The following MYO1E variants were observed in gnomAD, a reference collection of about 807,000 sequenced individuals.
MYO1E encodes the protein unconventional myosin-Ie.
A neutral mutation model predicts 151.1 loss-of-function variants in MYO1E; 68 were observed. That is an observed-to-expected ratio of 0.45 (90% confidence interval 0.37 to 0.55). The LOEUF is 0.55. Among genes scored for constraint, MYO1E ranks in the 20% least tolerant of loss-of-function variants. MYO1E has a pLI of 0.00. For missense variants in MYO1E, 1,363 were observed against 1,389.3 expected, an observed-to-expected ratio of 0.98 and a Z score of 0.30; for synonymous variants, 601 against 501.7, an observed-to-expected ratio of 1.20 and a Z score of -2.64.
chr15:59,164,136 A>G (rs186307867), intron 22 of MYO1E, among the ~76,000 whole-genome samples: 5 of 152,334 alleles, frequency 3.3e-5, no homozygotes, highest in Non-Finnish European at 5.9e-5. Context: ...TTGATGAGAC[A>G]AAGTTCCATC....
At position 59,135,229 on chromosome 15, in the gene MYO1E, G is replaced by T. The variant is rs2079365389; in HGVS notation, c.*2151C>A. Reference sequence around the variant, plus strand: ...ATGGATGAGGGTGTTACTCGTGGGGGTTTAACTCAGTCCCTGTTTTGTGAC... The same window carrying T: ...ATGGATGAGGGTGTTACTCGTGGGGTTTTAACTCAGTCCCTGTTTTGTGAC... On this transcript the variant is annotated 3_prime_UTR_variant, in exon 28 of 28. Transcript: ENST00000288235. 1.3e-5 allele frequency: 2 copies of T among 152,192 alleles called. No homozygotes were observed. Among genetic ancestry groups the T allele is most frequent in the South Asian group, 4.1e-4 (2 of 4,828 alleles). The allele number at this position is 152,192 out of a possible 1,614,324, so 9.4% of individuals were successfully genotyped here.
chr15:59,330,780 G>GT (rs2080693548), intron 1 of MYO1E, among the ~76,000 whole-genome samples: 1 of 152,050 alleles, frequency 6.6e-6, no homozygotes, highest in African/African-American at 2.4e-5. Context: ...ATTTGTGTTG[G>GT]TTTTTTGAGA....
chr15:59,362,212 G>A (rs1471746), intron 1 of MYO1E, among the ~76,000 whole-genome samples: 139,825 of 152,216 alleles, frequency 0.92, 65,153 homozygotes, highest in East Asian at 1. Flanking sequence ...CCCCCAAATA[G>A]CAGTCTTATT....
In MYO1E at chr15:59,272,392, C is replaced by T. The variant is rs1231572738; in HGVS notation, c.61G>A (p.Val21Met). The T allele has an allele frequency of 6.2e-7, 1 of 1,614,102 alleles. No individual in the cohort carries two copies. Among genetic ancestry groups the T allele is most frequent in the African/African-American group, 1.3e-5 (1 of 75,060 alleles). ...TTGGACAGTAGCACCATGTCGTCCA[C>T]ACCACTGTGCTTGACATTGTGGCTT... The part of the protein sequence containing the change: ...WQSHNVKHSG[V>M]DDMVLLSKIT... Residue 21 changes from valine (V) to methionine (M), a missense_variant, in exon 2 of 28, where the codon GTG becomes ATG. Val to Met is a conservative substitution (Grantham distance 21). Coordinates refer to ENST00000288235, the MANE Select transcript of MYO1E (RefSeq NM_004998.4).
At chr15:59,173,684 C>A in intron 21 of MYO1E, 62 bp downstream of exon 21, 1 of 1,588,980 alleles carries the variant, frequency 6.3e-7, no homozygotes, top group Non-Finnish European at 8.6e-7. Flanking sequence ...AGCAAAATAA[C>A]AAGTTATTAA....
intron 4 of MYO1E, among the ~76,000 whole-genome samples, chr15:59,241,378 T>C (rs1212786630): frequency 7.2e-5 from 11 of 151,820 alleles, no homozygotes; most frequent in South Asian, 4.2e-4. Context: ...ACAACAACTA[T>C]AATAATAAAA....
chr15:59,265,921 C>G lies in MYO1E; in HGVS notation c.148-4412G>C, dbSNP rs554295216. On this transcript the variant is annotated intron_variant, in intron 2 of 27. Transcript: ENST00000288235. ...AGGCAAGGCTGCAGCGAACTGTGATCACACCATTGCTCTCCAGCTTAGGTG... is the reference window on the plus strand; with the variant it reads ...AGGCAAGGCTGCAGCGAACTGTGATGACACCATTGCTCTCCAGCTTAGGTG... 6.0e-5 allele frequency among the ~76,000 whole-genome samples: 9 copies of G among 151,200 alleles called. 1 individual carries two copies. The South Asian group carries it at 1.7e-3, about 28-fold the overall frequency.
intron 14 of MYO1E, chr15:59,207,853 G>A (rs772763170): frequency 8.7e-6 from 14 of 1,614,066 alleles, no homozygotes; most frequent in Admixed American, 5.0e-5. Context: ...TGGCCTATCT[G>A]TGGCCGATTT....
At chr15:59,310,672 T>C (rs534302035) in intron 1 of MYO1E, among the ~76,000 whole-genome samples, 14 of 152,306 alleles carry the variant, frequency 9.2e-5, no homozygotes, top group African/African-American at 3.4e-4. Context: ...TCTGTTGTTT[T>C]AAGCCACCAG....
chr15:59,250,097 G>C (rs1227678019), intron 4 of MYO1E, among the ~76,000 whole-genome samples: 1 of 136,854 alleles, frequency 7.3e-6, no homozygotes, highest in African/African-American at 3.1e-5. Flanking sequence ...GTGCAGAAGA[G>C]AATTAACTCA....
At chr15:59,369,589 C>A (rs1471104786) in intron 1 of MYO1E, among the ~76,000 whole-genome samples, 1 of 152,114 alleles carries the variant, frequency 6.6e-6, no homozygotes, top group African/African-American at 2.4e-5. Context: ...GCTAAACAAC[C>A]TCCACTAAAT....
intron 16 of MYO1E, among the ~76,000 whole-genome samples, chr15:59,201,797 CTG>C (rs1261632095): frequency 1.3e-5 from 2 of 152,190 alleles, no homozygotes; most frequent in African/African-American, 2.4e-5. Flanking sequence ...CTGAGAAACA[CTG>C]TAAGATTTCC....
At chr15:59,215,394 G>C (rs540142171) in intron 10 of MYO1E, among the ~76,000 whole-genome samples, 4 of 152,292 alleles carry the variant, frequency 2.6e-5, no homozygotes, top group Admixed American at 2.6e-4. Context: ...GATACACCAA[G>C]GCTTGCTTAA....
At chr15:59,200,573 C>A (rs2079794923) in intron 16 of MYO1E, among the ~76,000 whole-genome samples, 1 of 151,956 alleles carries the variant, frequency 6.6e-6, no homozygotes, top group South Asian at 2.1e-4. Flanking sequence ...TCGCTTGAGC[C>A]CAGGAGTTCA....
In MYO1E at chr15:59,336,864, C is replaced by G. The variant is rs994969037; in HGVS notation, c.3+35634G>C. Among the ~76,000 whole-genome samples, 7 of 151,920 alleles carry G rather than the reference C, an allele frequency of 4.6e-5. No individual in the cohort carries two copies. The East Asian group carries it at 5.8e-4, about 13-fold the overall frequency. ...CGGTGTTTGGTTTTCTGCTCCTAGG[C>G]TGGTTTGCTGAGAATGACGGTTTCC... On this transcript the variant is annotated intron_variant, in intron 1 of 27. Transcript: ENST00000288235.
chr15:59,177,881 T>C (rs767962703), intron 19 of MYO1E, among the ~76,000 whole-genome samples: 13 of 152,210 alleles, frequency 8.5e-5, no homozygotes, highest in Non-Finnish European at 1.2e-4. Context: ...GCCTTCTAGG[T>C]ACAATCCTGG....
chr15:59,265,298 G>A (rs939756086), intron 2 of MYO1E, among the ~76,000 whole-genome samples: 1 of 152,058 alleles, frequency 6.6e-6, no homozygotes, highest in Admixed American at 6.5e-5. Context: ...GCTGCCCTCA[G>A]GACAACAGAC....
intron 12 of MYO1E, among the ~76,000 whole-genome samples, chr15:59,213,121 G>A (rs1388187349): frequency 7.0e-6 from 1 of 143,572 alleles, no homozygotes; most frequent in African/African-American, 2.7e-5. Flanking sequence ...AATGGAAACT[G>A]CACTGAACTA....
At chr15:59,137,957 C>T (rs1265150772) in intron 27 of MYO1E, among the ~76,000 whole-genome samples, 2 of 152,170 alleles carry the variant, frequency 1.3e-5, no homozygotes, top group Admixed American at 6.5e-5. Context: ...ATTGCTGCTG[C>T]CGTTTTGCTA....
Sources: allele counts gnomAD v4.1 joint callset (sites outside exome capture counted in the v4.1 genomes callset), GRCh38; gene constraint gnomAD v4.1.1; transcripts MANE v1.5; gene names NCBI Gene and HGNC (gene_info 2026-07-23, HGNC 2026-07-21).